NFATC3: variants seen among roughly 807,000 people sequenced by gnomAD.
NFATC3 encodes nuclear factor of activated T cells 3.
Under a neutral mutation model 98.6 loss-of-function variants are expected in NFATC3, and 46 were observed. The observed-to-expected ratio is 0.47, with a 90% CI of 0.37 to 0.60. The LOEUF (loss-of-function observed/expected upper bound fraction) is 0.60, where lower values mean the gene tolerates loss of function less well. Among genes scored for constraint, NFATC3 ranks in the 20% least tolerant of loss-of-function variants. NFATC3 has a pLI of 0.00. For missense variants in NFATC3, 1,256 were observed against 1,295.5 expected, an observed-to-expected ratio of 0.97 and a Z score of 0.47; for synonymous variants, 512 against 472.2, an observed-to-expected ratio of 1.08 and a Z score of -1.09.
intron 9 of NFATC3, among the ~76,000 whole-genome samples, chr16:68,196,346 C>A (rs1265839062): frequency 6.6e-6 from 1 of 152,112 alleles, no homozygotes; most frequent in Non-Finnish European, 1.5e-5. Context: ...GTCTCGAACT[C>A]CTGACCTCAG....
At chr16:68,145,675 A>G (rs1219920552) in intron 3 of NFATC3, among the ~76,000 whole-genome samples, 2 of 152,226 alleles carry the variant, frequency 1.3e-5, no homozygotes, top group African/African-American at 2.4e-5. Flanking sequence ...GAGATGGACA[A>G]TAGATTGGTG....
intron 8 of NFATC3, among the ~76,000 whole-genome samples, chr16:68,186,444 G>A (rs1359018180): frequency 1.3e-5 from 2 of 152,124 alleles, no homozygotes; most frequent in Non-Finnish European, 2.9e-5. Flanking sequence ...GGAGGCTGAG[G>A]CAGGAGAATG....
chr16:68,086,829 A>G (rs2034405549), intron 1 of NFATC3: 1 of 954,750 alleles, frequency 1.0e-6, no homozygotes, highest in African/African-American at 1.8e-5. Flanking sequence ...TTTAGTCTTC[A>G]TATGCTAGAT....
In NFATC3 at chr16:68,211,512, TG is replaced by T. The variant is rs1407940425; in HGVS notation, c.3107-14837del. On this transcript the variant is annotated intron_variant, in intron 9 of 9. Transcript: ENST00000346183. ...AAACTCTTCTTCTGTAAATGTTTTT[TG>T]TTGTTGTTGTTGTTGTTGTTGTTGT... is the stretch of plus-strand genomic sequence containing the variant. Among the ~76,000 whole-genome samples, 8 of 116,112 alleles carry T rather than the reference TG, an allele frequency of 6.9e-5. No individual in the cohort carries two copies. The South Asian group carries it at 1.3e-3, about 19-fold the overall frequency. The allele number at this position is 116,112 out of a possible 152,430, so 76.2% of individuals were successfully genotyped here.
intron 9 of NFATC3, among the ~76,000 whole-genome samples, chr16:68,195,681 G>A (rs573338449): frequency 4.6e-5 from 7 of 152,054 alleles, no homozygotes; most frequent in East Asian, 1.9e-4. Context: ...GGTGGTGGTC[G>A]CCTGTAGTCC....
At chr16:68,091,908 G>A (rs143613876) in intron 1 of NFATC3, among the ~76,000 whole-genome samples, 3 of 152,338 alleles carry the variant, frequency 2.0e-5, no homozygotes, top group Non-Finnish European at 2.9e-5. Flanking sequence ...TTTAAGAGGA[G>A]TGAGTTTGTT....
intron 3 of NFATC3, among the ~76,000 whole-genome samples, chr16:68,132,289 G>A (rs1341159921): frequency 6.6e-6 from 1 of 152,186 alleles, no homozygotes; most frequent in East Asian, 1.9e-4. Context: ...ATAGAGGATG[G>A]AGGGTGGGGT....
chr16:68,183,264 C>T lies in NFATC3; in HGVS notation c.1996C>T (p.Pro666Ser), dbSNP rs1298828925. Reference sequence around the variant, plus strand: ...GGCTCACATTGTCCTTGAAGTTCCTCCATATCATAACCCAGCAGTTACAGC... The same window carrying T: ...GGCTCACATTGTCCTTGAAGTTCCTTCATATCATAACCCAGCAGTTACAGC... Reference protein sequence around the residue: ...QGAHIVLEVPPYHNPAVTAAV... With the variant: ...QGAHIVLEVPSYHNPAVTAAV... Residue 666 changes from proline (P) to serine (S), a missense_variant, in exon 8 of 10, where the codon CCA becomes TCA. Around this residue, in one of 3 missense-constraint regions of NFATC3, gnomAD observed 636 missense variants for 617.3 expected, o/e 1.03. Coordinates refer to ENST00000346183, the MANE Select transcript of NFATC3 (RefSeq NM_173165.3). 2.6e-5 allele frequency: 41 copies of T among 1,596,318 alleles called. No homozygotes were observed. Among genetic ancestry groups the T allele is most frequent in the Non-Finnish European group, 3.5e-5 (41 of 1,174,824 alleles).
At chr16:68,184,742 T>C (rs1286510406) in intron 8 of NFATC3, among the ~76,000 whole-genome samples, 2 of 151,952 alleles carry the variant, frequency 1.3e-5, no homozygotes, top group Non-Finnish European at 2.9e-5. Flanking sequence ...AGGCAGAGCT[T>C]GCAGTGAGCC....
intron 3 of NFATC3, among the ~76,000 whole-genome samples, chr16:68,150,795 G>C (rs1567521740): frequency 1.3e-5 from 2 of 152,086 alleles, no homozygotes; most frequent in African/African-American, 2.4e-5. Context: ...CACTGGGGTG[G>C]CTTCCCCATG....
intron 1 of NFATC3, 87 bp downstream of exon 1, chr16:68,085,871 C>T (rs1388232474): frequency 2.9e-6 from 3 of 1,048,006 alleles, no homozygotes; most frequent in Admixed American, 4.0e-5. Flanking sequence ...CTTGGATGAC[C>T]GGAGACCGAT....
chr16:68,194,852 ATATAT>A (rs10583089), intron 9 of NFATC3, among the ~76,000 whole-genome samples: 5,079 of 152,242 alleles, frequency 0.033, 265 homozygotes, highest in African/African-American at 0.11. Flanking sequence ...CATTATTTGA[ATATAT>A]TAAGATTTGT....
chr16:68,122,211 A>C lies in NFATC3; in HGVS notation c.328A>C (p.Ser110Arg). ...TGGTCCCAAACCCTTTGAGTGCCCA[A>C]GTATTCAAATTACATCTATCTCTCC... ...LGGPKPFECP[S>R]IQITSISPNC... The change falls in exon 2 of 10, where the codon AGT becomes CGT. Residue 110 changes from serine to arginine, a missense_variant. Transcript: ENST00000346183. 1 of 1,614,196 alleles carries C rather than the reference A, an allele frequency of 6.2e-7. No homozygotes were observed. Among genetic ancestry groups the C allele is most frequent in the Non-Finnish European group, 8.5e-7 (1 of 1,180,020 alleles).
At chr16:68,179,491 C>T (rs2039865654) in intron 6 of NFATC3, among the ~76,000 whole-genome samples, 1 of 152,118 alleles carries the variant, frequency 6.6e-6, no homozygotes, top group South Asian at 2.1e-4. Context: ...AGTTACTGGA[C>T]TGGAAAATGA....
intron 9 of NFATC3, among the ~76,000 whole-genome samples, chr16:68,198,286 C>A (rs1291429092): frequency 1.3e-5 from 2 of 151,722 alleles, no homozygotes; most frequent in Non-Finnish European, 2.9e-5. Context: ...CTACTACACT[C>A]CAGCCCAGGT....
chr16:68,209,793 G>T, intron 9 of NFATC3: 4 of 419,188 alleles, frequency 9.5e-6, no homozygotes, highest in South Asian at 7.5e-5. Flanking sequence ...TACTTCAAAT[G>T]CAAGAAATGA....
chr16:68,226,897 C>CAAAAAAAAAAAAAAAAAATAAAAAAAAA lies in NFATC3; in HGVS notation c.*444_*445insTAAAAAAAAAAAAAAAAAAAAAAAAAAA. The CAAAAAAAAAAAAAAAAAATAAAAAAAAA allele has an allele frequency of 3.3e-5, 1 of 30,332 alleles. No individual in the cohort carries two copies. The highest frequency in any genetic ancestry group is 5.5e-5 in the Non-Finnish European group (1 of 18,154). The allele number at this position is 30,332 out of a possible 1,614,324, so 1.9% of individuals were successfully genotyped here. The stretch of plus-strand genomic sequence containing the variant: ...AACTTTTGATAAGACCTTCTAGAAG[C>CAAAAAAAAAAAAAAAAAATAAAAAAAAA]AAAAAAAAAAAAAAAAAAAAAAAAA... On this transcript the variant is annotated 3_prime_UTR_variant, in exon 10 of 10. Coordinates refer to ENST00000346183, the MANE Select transcript of NFATC3 (RefSeq NM_173165.3).
In NFATC3 at chr16:68,205,928, C is replaced by T. The variant is rs1010083307; in HGVS notation, c.3106+14153C>T. Among the ~76,000 whole-genome samples the T allele has an allele frequency of 7.3e-5, 11 of 150,170 alleles. No individual in the cohort carries two copies. In the South Asian group the frequency reaches 2.3e-3, roughly 31 times the overall value. On this transcript the variant is annotated intron_variant, in intron 9 of 9. Coordinates refer to ENST00000346183, the MANE Select transcript of NFATC3 (RefSeq NM_173165.3). Reference sequence around the variant, plus strand: ...TCTTTTTTTTTTTGAGATGGATTCTCGCTCTACTGCCCAGGCTGGAGTACA... The same window carrying T: ...TCTTTTTTTTTTTGAGATGGATTCTTGCTCTACTGCCCAGGCTGGAGTACA...
At chr16:68,202,467 A>G (rs757762276) in intron 9 of NFATC3, among the ~76,000 whole-genome samples, 5 of 152,208 alleles carry the variant, frequency 3.3e-5, no homozygotes, top group Admixed American at 6.5e-5. Context: ...TAGTATTGTC[A>G]GTGTTCTCTT....
Sources: allele counts gnomAD v4.1 joint callset (sites outside exome capture counted in the v4.1 genomes callset), GRCh38; gene constraint gnomAD v4.1.1; regional missense constraint gnomAD v4.1.1; transcripts MANE v1.5; gene names NCBI Gene and HGNC (gene_info 2026-07-23, HGNC 2026-07-21).